The following DOCK8 variants were observed in gnomAD, a reference collection of about 807,000 sequenced individuals.
DOCK8 encodes dedicator of cytokinesis protein 8.
DOCK8 carries 141 observed loss-of-function variants against 245.6 expected under a neutral mutation model. The ratio of observed to expected loss-of-function variants is 0.57; its 90% confidence interval spans 0.50 to 0.66. The LOEUF is 0.66. DOCK8 is among the 30% of genes least tolerant of loss of function. DOCK8 has a pLI of 0.00. For synonymous variants in DOCK8, 1,168 were observed against 970.2 expected (o/e 1.20, Z -3.79); for missense variants, 2,965 against 2,603.4 (o/e 1.14, Z -3.02).
At chr9:364,444 G>A (rs908374797) in intron 14 of DOCK8, among the ~76,000 whole-genome samples, 2 of 152,016 alleles carry the variant, frequency 1.3e-5, no homozygotes. Context: ...ACCAGCCTGG[G>A]CACCATGGTG....
chr9:439,155 C>T, intron 39 of DOCK8, 90 bp from the exon 40 acceptor site: 1 of 1,542,528 alleles, frequency 6.5e-7, no homozygotes, highest in East Asian at 2.2e-5. Flanking sequence ...ATCTGCACAC[C>T]AGCTTCCTCG....
At chr9:392,332 A>C (rs1359421735) in intron 24 of DOCK8, among the ~76,000 whole-genome samples, 2 of 152,138 alleles carry the variant, frequency 1.3e-5, no homozygotes, top group Non-Finnish European at 2.9e-5. Context: ...TAGAGTTCAG[A>C]AGAAGTCAGG....
intron 1 of DOCK8, among the ~76,000 whole-genome samples, chr9:236,623 G>A (rs1306214215): frequency 6.6e-6 from 1 of 152,170 alleles, no homozygotes; most frequent in Non-Finnish European, 1.5e-5. Flanking sequence ...TAAAGAAGAG[G>A]AATATTGAGG....
intron 1 of DOCK8, among the ~76,000 whole-genome samples, chr9:235,940 G>C (rs946054893): frequency 7.9e-5 from 12 of 152,340 alleles, no homozygotes; most frequent in Admixed American, 7.8e-4. Flanking sequence ...TCCCCAGTGA[G>C]ATGAACCCGG....
At chr9:400,025 CCA>C (rs2054700720) in intron 26 of DOCK8, among the ~76,000 whole-genome samples, 1 of 91,044 alleles carries the variant, frequency 1.1e-5, no homozygotes. Context: ...ACCACCACCT[CCA>C]CCATCACCAC....
intron 25 of DOCK8, among the ~76,000 whole-genome samples, chr9:397,933 T>G (rs931698497): frequency 6.6e-6 from 1 of 152,226 alleles, no homozygotes; most frequent in African/African-American, 2.4e-5. Flanking sequence ...TAAAATTGTT[T>G]CAGAATAAAA....
intron 1 of DOCK8, among the ~76,000 whole-genome samples, chr9:271,082 AGGAGCAGTT>A (rs911768273): frequency 2.0e-5 from 3 of 152,218 alleles, no homozygotes; most frequent in African/African-American, 7.2e-5. Flanking sequence ...TCACTGAACT[AGGAGCAGTT>A]GGGAAAAAAT....
chr9:408,886 ACGCACACACGCGCGTGCACATG>A lies in DOCK8; in HGVS notation c.3530+1819_3530+1840del, dbSNP rs1419638148. Among the ~76,000 whole-genome samples, 730 of 121,034 alleles carry A rather than the reference ACGCACACACGCGCGTGCACATG, an allele frequency of 6.0e-3. 9 individuals are homozygous for A. Among genetic ancestry groups the A allele is most frequent in the African/African-American group, 0.019 (707 of 36,898 alleles). The allele number at this position is 121,034 out of a possible 152,430, so 79.4% of individuals were successfully genotyped here. ...AACACACACACACACACACACACAC[ACGCACACACGCGCGTGCACATG>A]CACACACACAGTACCCTTTCTCCCC... On this transcript the variant is annotated intron_variant, in intron 28 of 47. Coordinates refer to ENST00000432829, the MANE Select transcript of DOCK8 (RefSeq NM_203447.4).
intron 9 of DOCK8, among the ~76,000 whole-genome samples, chr9:331,132 G>C (rs1367824081): frequency 6.6e-6 from 1 of 152,190 alleles, no homozygotes; most frequent in Non-Finnish European, 1.5e-5. Flanking sequence ...ACAAGCTCCT[G>C]ACTATGAGCT....
chr9:305,898 T>C (rs934649163), intron 5 of DOCK8, among the ~76,000 whole-genome samples: 6 of 152,052 alleles, frequency 3.9e-5, no homozygotes, highest in African/African-American at 1.4e-4. Flanking sequence ...CCATAATGAA[T>C]GGATAAACAA....
intron 45 of DOCK8, 33 bp from the exon 46 acceptor site, chr9:451,978 T>TGTGTATA: frequency 1.1e-5 from 1 of 89,202 alleles, no homozygotes; most frequent in African/African-American, 6.4e-5. Flanking sequence ...TATATATATA[T>TGTGTATA]TTTTTTTTTT....
At chr9:413,425 A>G (rs905741222) in intron 28 of DOCK8, among the ~76,000 whole-genome samples, 5 of 132,254 alleles carry the variant, frequency 3.8e-5, no homozygotes, top group African/African-American at 1.3e-4. Flanking sequence ...AGTAAAATTA[A>G]AACTTTTGTG....
chr9:346,456 CT>C (rs1047749963), intron 14 of DOCK8, among the ~76,000 whole-genome samples: 2 of 152,176 alleles, frequency 1.3e-5, no homozygotes, highest in African/African-American at 4.8e-5. Flanking sequence ...TTGTAATGAG[CT>C]GTTAAGCTCC....
chr9:423,399 C>G (rs750772103), intron 33 of DOCK8, among the ~76,000 whole-genome samples: 1 of 152,128 alleles, frequency 6.6e-6, no homozygotes, highest in African/African-American at 2.4e-5. Flanking sequence ...AGCAAAATGT[C>G]GTAGAGCTAA....
chr9:297,218 C>G (rs1455614495), intron 4 of DOCK8, among the ~76,000 whole-genome samples: 1 of 152,126 alleles, frequency 6.6e-6, no homozygotes, highest in Non-Finnish European at 1.5e-5. Flanking sequence ...TCAAAATGAG[C>G]AACATTTCCC....
intron 18 of DOCK8, among the ~76,000 whole-genome samples, chr9:374,028 C>A (rs1231838570): frequency 6.6e-6 from 1 of 152,210 alleles, no homozygotes; most frequent in Non-Finnish European, 1.5e-5. Flanking sequence ...TGGTGAGTTG[C>A]TTACCCTCTC....
chr9:334,045 A>C (rs1336671007), intron 10 of DOCK8, among the ~76,000 whole-genome samples, 180 bp from the exon 11 acceptor site: 3 of 104,852 alleles, frequency 2.9e-5, no homozygotes, highest in Admixed American at 1.0e-4. Flanking sequence ...CTTATCAGCT[A>C]GACCCAAGTG....
rs186910048 is a variant in DOCK8, at chr9:419,177, A to G, written c.3840+970A>G. Among the ~76,000 whole-genome samples the G allele has an allele frequency of 3.8e-3, 576 of 152,350 alleles. 5 individuals carry two copies. The highest frequency in any genetic ancestry group is 0.013 in the African/African-American group (556 of 41,576). On this transcript the variant is annotated intron_variant, in intron 30 of 47. Coordinates refer to ENST00000432829, the MANE Select transcript of DOCK8 (RefSeq NM_203447.4). The stretch of plus-strand genomic sequence containing the variant: ...AATGTAGGGTATAGATGTGCAGAGA[A>G]TTTAACTTTCTTCTCCCGTGAGAAA...
chr9:463,640 A>G lies in DOCK8; in HGVS notation c.6192A>G (p.Lys2064=). Residue 2064 remains lysine, a synonymous_variant, in exon 47 of 48, where the codon AAA becomes AAG. Coordinates refer to ENST00000432829, the MANE Select transcript of DOCK8 (RefSeq NM_203447.4). The stretch of plus-strand genomic sequence containing the variant: ...ACCTCAGGCCAATGATCGAGCGGAA[A>G]ATTCCAGAACTGTACAAGCCAATAT... ...KENLRPMIER[K]IPELYKPIFR... The G allele has an allele frequency of 1.9e-6, 3 of 1,613,824 alleles. No homozygotes were observed. The highest frequency in any genetic ancestry group is 2.5e-6 in the Non-Finnish European group (3 of 1,180,034).
Sources: allele counts gnomAD v4.1 joint callset (sites outside exome capture counted in the v4.1 genomes callset), GRCh38; gene constraint gnomAD v4.1.1; transcripts MANE v1.5; gene names NCBI Gene and HGNC (gene_info 2026-07-23, HGNC 2026-07-21).